PAH: variants seen among roughly 807,000 people sequenced by gnomAD.
PAH encodes phenylalanine-4-hydroxylase.
Under a neutral mutation model 62.0 loss-of-function variants are expected in PAH, and 64 were observed. That is an observed-to-expected ratio of 1.03 (90% confidence interval 0.84 to 1.27). The LOEUF is 1.27. Among genes scored for constraint, PAH ranks in the 50% most tolerant of loss-of-function variants. The pLI is 0.00. For synonymous variants in PAH, 195 were observed against 196.2 expected (o/e 0.99, Z 0.05); for missense variants, 579 against 542.8 (o/e 1.07, Z -0.66).
At chr12:102,844,251 G>A (rs1213095850) in intron 10 of PAH, 85 bp downstream of exon 10, 1 of 928,872 alleles carries the variant, frequency 1.1e-6, no homozygotes, top group Non-Finnish European at 1.8e-6. Flanking sequence ...GATACAAATA[G>A]GGTTTCAACA....
intron 3 of PAH, among the ~76,000 whole-genome samples, chr12:102,888,620 G>GAGC (rs1029033674): frequency 6.6e-6 from 1 of 150,996 alleles, no homozygotes; most frequent in African/African-American, 2.4e-5. Context: ...TGACTGCAGG[G>GAGC]AGCAGACAGT....
chr12:102,945,441 CT>C (rs1344797763), intron 1 of PAH, among the ~76,000 whole-genome samples: 1 of 152,202 alleles, frequency 6.6e-6, no homozygotes, highest in East Asian at 1.9e-4. Flanking sequence ...GTGCCAGAGC[CT>C]GGAGTTGGAA....
intron 4 of PAH, among the ~76,000 whole-genome samples, chr12:102,873,056 A>G (rs946442221): frequency 1.3e-5 from 2 of 152,224 alleles, no homozygotes; most frequent in African/African-American, 2.4e-5. Context: ...TTCTTCACTA[A>G]GAAGCCCCCT....
rs538345614 is a variant in PAH at position 102,943,752 on chromosome 12, T to C, written c.-96+6837A>G. 1.4e-4 allele frequency among the ~76,000 whole-genome samples: 21 copies of C among 152,298 alleles called. No individual in the cohort carries two copies. In the South Asian group the frequency reaches 3.9e-3, roughly 29 times the overall value. On this transcript the variant is annotated intron_variant, in intron 1 of 3. Coordinates refer to the PAH transcript ENST00000546844. ...CATAAAAATGAATGAAATCATGTCATTTGCAGCAACATGGATAGAGCTGGA... is the reference window on the plus strand; with the variant it reads ...CATAAAAATGAATGAAATCATGTCACTTGCAGCAACATGGATAGAGCTGGA...
At chr12:102,873,970 A>G (rs1258457054) in intron 4 of PAH, among the ~76,000 whole-genome samples, 1 of 152,228 alleles carries the variant, frequency 6.6e-6, no homozygotes, top group Non-Finnish European at 1.5e-5. Flanking sequence ...TCACTTGCAT[A>G]TATATATCTT....
chr12:102,925,679 G>A (rs933402314), intron 1 of PAH, among the ~76,000 whole-genome samples: 3 of 152,028 alleles, frequency 2.0e-5, no homozygotes, highest in Non-Finnish European at 2.9e-5. Context: ...GGCATCCTTC[G>A]TTTTAGTCTA....
chr12:102,917,982 C>T (rs766921449), upstream of PAH, among the ~76,000 whole-genome samples: 3 of 152,234 alleles, frequency 2.0e-5, no homozygotes, highest in Non-Finnish European at 4.4e-5. Flanking sequence ...GAGACCTGTA[C>T]CGTGTGCTTG....
intron 9 of PAH, among the ~76,000 whole-genome samples, chr12:102,846,585 G>C (rs773540053): frequency 1.3e-5 from 2 of 152,212 alleles, no homozygotes; most frequent in African/African-American, 2.4e-5. Flanking sequence ...CAAAGCTCTG[G>C]ATCCAGATTA....
chr12:102,950,048 C>G (rs970303985), intron 1 of PAH: 5 of 152,186 alleles, frequency 3.3e-5, no homozygotes, highest in African/African-American at 1.2e-4. Flanking sequence ...CTCCTGTTAT[C>G]TATTTCTGTC....
At position 102,900,049 on chromosome 12, in the gene PAH, C is replaced by CTT. The variant is rs749407597; in HGVS notation, c.169-5133_169-5132dup. 6.6e-4 allele frequency among the ~76,000 whole-genome samples: 75 copies of CTT among 113,228 alleles called. 2 individuals are homozygous for CTT. The highest frequency in any genetic ancestry group is 5.9e-3 in the Middle Eastern group (1 of 170). The allele number at this position is 113,228 out of a possible 152,430, so 74.3% of individuals were successfully genotyped here. A position where few individuals can be genotyped will look rare whatever the true frequency, so the allele number is the denominator to read the frequency against. On this transcript the variant is annotated intron_variant, in intron 2 of 12. Coordinates refer to ENST00000553106, the MANE Select transcript of PAH (RefSeq NM_000277.3). ...TCAAGTTTCCTAGAAACATTTATTG[C>CTT]TTTTTTTTTTTTTTTTTTGAGATGG...
intron 1 of PAH, among the ~76,000 whole-genome samples, chr12:102,939,944 G>A (rs2136760520): frequency 6.6e-6 from 1 of 152,314 alleles, no homozygotes; most frequent in East Asian, 1.9e-4. Flanking sequence ...CACTGTCAGA[G>A]CACTGAGAGG....
intron 3 of PAH, among the ~76,000 whole-genome samples, chr12:102,879,224 T>A (rs541513653): frequency 1.5e-4 from 23 of 152,148 alleles, no homozygotes; most frequent in African/African-American, 4.6e-4. Flanking sequence ...GGTGGAGCAT[T>A]TCTGGTGGAG....
chr12:102,947,005 GT>G (rs1383159965), intron 1 of PAH, among the ~76,000 whole-genome samples: 17 of 152,190 alleles, frequency 1.1e-4, no homozygotes, highest in Admixed American at 1.1e-3. Flanking sequence ...TCTGGTGGCA[GT>G]GAAGAAAAAG....
At chr12:102,848,052 G>C (rs1035218197) in intron 8 of PAH, among the ~76,000 whole-genome samples, 7 of 152,216 alleles carry the variant, frequency 4.6e-5, no homozygotes, top group African/African-American at 1.7e-4. Flanking sequence ...TCCTTTCAGT[G>C]AAACAGGAGC....
At chr12:102,889,685 A>G (rs911755562) in intron 3 of PAH, among the ~76,000 whole-genome samples, 4 of 152,170 alleles carry the variant, frequency 2.6e-5, no homozygotes, top group Non-Finnish European at 4.4e-5. Flanking sequence ...AACAAAACCC[A>G]ACAGATATTT....
chr12:102,953,046 C>T (rs976764645), upstream of PAH, among the ~76,000 whole-genome samples: 1 of 152,192 alleles, frequency 6.6e-6, no homozygotes, highest in African/African-American at 2.4e-5. Context: ...AGGACAGTGT[C>T]TAGCACAGCC....
At chr12:102,855,981 G>A (rs1875407303) in intron 5 of PAH, among the ~76,000 whole-genome samples, 1 of 147,138 alleles carries the variant, frequency 6.8e-6, no homozygotes, top group Admixed American at 6.7e-5. Context: ...ACATCATGTT[G>A]TACACCATAT....
At chr12:102,846,003 C>T (rs1266183837) in intron 9 of PAH, among the ~76,000 whole-genome samples, 1 of 152,178 alleles carries the variant, frequency 6.6e-6, no homozygotes, top group Non-Finnish European at 1.5e-5. Flanking sequence ...TTGAAAGCCG[C>T]TCCTTGTATC....
chr12:102,906,797 CCT>C (rs1283860660), intron 2 of PAH, among the ~76,000 whole-genome samples: 1 of 152,100 alleles, frequency 6.6e-6, no homozygotes, highest in East Asian at 1.9e-4. Flanking sequence ...GTCAAGTCAC[CCT>C]CTCTAAGCCA....
Sources: gnomAD v4.1 joint callset for allele counts (sites outside exome capture counted in the v4.1 genomes callset) on GRCh38, gnomAD v4.1.1 for gene constraint, MANE v1.5 for transcripts, NCBI Gene and HGNC (gene_info 2026-07-23, HGNC 2026-07-21) for gene names.